RAB37: variants seen among roughly 807,000 people sequenced by gnomAD.
The protein encoded by RAB37 is RAB37, member RAS oncogene family, also known as ras-related protein Rab-37.
A neutral mutation model predicts 33.1 loss-of-function variants in RAB37; 29 were observed. That is an observed-to-expected ratio of 0.88 (90% CI 0.65 to 1.20). The LOEUF is 1.20. Among genes scored for constraint, RAB37 ranks in the 50% most tolerant of loss-of-function variants. The probability of loss-of-function intolerance (pLI) is 0.00; values close to 1 mark genes in which losing one functional copy is unlikely to be tolerated. For synonymous variants in RAB37, 128 were observed against 119.5 expected (o/e 1.07, Z -0.47); for missense variants, 299 against 301.1 (o/e 0.99, Z 0.05).
intron 1 of RAB37, among the ~76,000 whole-genome samples, chr17:74,685,553 G>A (rs927365206): frequency 3.9e-5 from 6 of 152,196 alleles, no homozygotes; most frequent in South Asian, 4.1e-4. Flanking sequence ...ACTCCATTTC[G>A]TAGAAGAGAA....
Position 74,744,901 on chromosome 17 carries a change from G to A in RAB37, c.461G>A (p.Arg154His), listed in dbSNP as rs149486886. The A allele has an allele frequency of 2.1e-4, 336 of 1,614,280 alleles. 2 individuals are homozygous for A. Among genetic ancestry groups the A allele is most frequent in the South Asian group, 1.4e-3 (130 of 91,092 alleles). The change falls in exon 7 of 9, where the codon CGT (arginine) becomes CAT (histidine). Residue 154 changes from arginine to histidine, a missense_variant. Coordinates refer to ENST00000392613, the MANE Select transcript of RAB37 (RefSeq NM_001006638.3). This position sits in a 1 kb window ranked among gnomAD's most constrained non-coding sequence, Gnocchi z 4.2. ...KADMSSERVI[R>H]SEDGETLARE... is the part of the protein sequence containing the mutation. Reference sequence around the variant, plus strand: ...GATATGAGCAGCGAAAGAGTGATCCGTTCCGAAGACGGAGAGACCTTGGCC... The same window carrying A: ...GATATGAGCAGCGAAAGAGTGATCCATTCCGAAGACGGAGAGACCTTGGCC...
intron 1 of RAB37, among the ~76,000 whole-genome samples, chr17:74,717,419 C>A (rs996444901): frequency 3.9e-5 from 6 of 152,132 alleles, no homozygotes; most frequent in African/African-American, 1.4e-4. Flanking sequence ...GAAACTTAAC[C>A]TTCAATGTGA....
At chr17:74,707,972 A>AC (rs1192491860) in intron 1 of RAB37, among the ~76,000 whole-genome samples, 1 of 151,700 alleles carries the variant, frequency 6.6e-6, no homozygotes, top group Non-Finnish European at 1.5e-5. Flanking sequence ...ACATGGTGAA[A>AC]CCCCATCTCT....
chr17:74,703,105 A>T (rs778098380), intron 1 of RAB37: 2 of 1,613,788 alleles, frequency 1.2e-6, no homozygotes, highest in Non-Finnish European at 1.7e-6. Context: ...GGTGCTGTAA[A>T]CGTAGTGGAG....
chr17:74,740,052 A>T (rs1357205529), intron 1 of RAB37, among the ~76,000 whole-genome samples: 1 of 151,878 alleles, frequency 6.6e-6, no homozygotes, highest in African/African-American at 2.4e-5. Flanking sequence ...GCTACTCAGG[A>T]GGCTGAGGCA....
Position 74,742,580 on chromosome 17 carries a change from C to T in RAB37, c.246+285C>T, listed in dbSNP as rs1018746904. Among the ~76,000 whole-genome samples, 7 of 152,258 alleles carry T rather than the reference C, an allele frequency of 4.6e-5. No individual in the cohort carries two copies. The highest frequency in any genetic ancestry group is 1.0e-4 in the Non-Finnish European group (7 of 68,004). On this transcript the variant is annotated intron_variant, in intron 3 of 8. Transcript: ENST00000392613. This position sits in a 1 kb window ranked among gnomAD's most constrained non-coding sequence, Gnocchi z 4.0. Reference sequence around the variant, plus strand: ...TCTGCTCTTAGGAGATTGGACATCCCCAACCCCTGAGCTAGGGGAGAGGAG... The same window carrying T: ...TCTGCTCTTAGGAGATTGGACATCCTCAACCCCTGAGCTAGGGGAGAGGAG...
At chr17:74,697,097 A>G (rs770924624) in intron 1 of RAB37, among the ~76,000 whole-genome samples, 7 of 152,126 alleles carry the variant, frequency 4.6e-5, no homozygotes, top group Non-Finnish European at 7.4e-5. Context: ...GTGTGCCACC[A>G]TATCCAGCTA....
intron 1 of RAB37, chr17:74,704,550 C>T (rs139553185): frequency 6.8e-6 from 11 of 1,614,088 alleles, no homozygotes; most frequent in African/African-American, 5.3e-5. Context: ...CAGTAAGTGT[C>T]AGCATCAGTT....
At chr17:74,714,396 A>AAC (rs3046673) in intron 1 of RAB37, among the ~76,000 whole-genome samples, 39,612 of 137,788 alleles carry the variant, frequency 0.29, 5,530 homozygotes, top group Non-Finnish European at 0.33. Flanking sequence ...TGTCTCTTTA[A>AAC]ACACACACAC....
upstream of RAB37, chr17:74,736,975 A>T (rs1305799387): frequency 6.4e-7 from 1 of 1,566,314 alleles, no homozygotes. Context: ...CCCAGGGGCA[A>T]GCAAGCGACC....
At chr17:74,693,141 C>T (rs950722612) in intron 1 of RAB37, among the ~76,000 whole-genome samples, 47 of 152,240 alleles carry the variant, frequency 3.1e-4, no homozygotes, top group African/African-American at 1.1e-3. Context: ...CAAGGAAGGC[C>T]TCTTCTAAGA....
rs2034667274 is a variant in RAB37, at chr17:74,743,300, T to C, written c.326T>C (p.Leu109Pro). The change falls in exon 5 of 9, where the codon CTG (leucine) becomes CCG (proline). Residue 109 changes from leucine (L) to proline (P), a missense_variant. Physicochemically the swap from Leu to Pro is moderately conservative, Grantham distance 98 (BLOSUM62 -3). Coordinates refer to ENST00000392613, the MANE Select transcript of RAB37 (RefSeq NM_001006638.3). ...CTCTCCCCTCCAGCCTTGCTTCTGC[T>C]GTATGACATCACCAACAAATCTTCT... is the stretch of plus-strand genomic sequence containing the variant. The part of the protein sequence containing the change: ...YYRDAQALLL[L>P]YDITNKSSFD... 1.2e-6 allele frequency: 2 copies of C among 1,614,138 alleles called. No individual in the cohort carries two copies. The highest frequency in any genetic ancestry group is 4.5e-5 in the East Asian group (2 of 44,882).
chr17:74,680,552 T>C (rs2031932764), intron 1 of RAB37, among the ~76,000 whole-genome samples: 1 of 152,200 alleles, frequency 6.6e-6, no homozygotes, highest in Admixed American at 6.5e-5. Context: ...AGTTGGTAGC[T>C]GGCTACACTA....
chr17:74,712,381 C>T (rs532391253), intron 1 of RAB37, among the ~76,000 whole-genome samples: 5 of 152,306 alleles, frequency 3.3e-5, no homozygotes, highest in East Asian at 3.9e-4. Context: ...AGAACCACCA[C>T]TCCCTCTCTG....
chr17:74,712,950 T>C, intron 1 of RAB37: 1 of 1,383,310 alleles, frequency 7.2e-7, no homozygotes, highest in Non-Finnish European at 1.0e-6. Context: ...CTGCTGGTAC[T>C]CACTCTCGCC....
At chr17:74,718,657 A>T (rs535018337) in intron 1 of RAB37, among the ~76,000 whole-genome samples, 1 of 152,260 alleles carries the variant, frequency 6.6e-6, no homozygotes, top group East Asian at 1.9e-4. Context: ...AGTGCAATGC[A>T]CCTCCTCAAC....
intron 1 of RAB37, among the ~76,000 whole-genome samples, chr17:74,706,542 C>T (rs2033534031): frequency 6.6e-6 from 1 of 152,038 alleles, no homozygotes; most frequent in African/African-American, 2.4e-5. Flanking sequence ...ATGGCACATG[C>T]CTGTAATCCC....
At chr17:74,718,389 T>C (rs1598302668) in intron 1 of RAB37, among the ~76,000 whole-genome samples, 2 of 151,982 alleles carry the variant, frequency 1.3e-5, no homozygotes, top group Non-Finnish European at 1.5e-5. Flanking sequence ...TATTTTGTTA[T>C]AGCAGCCGGG....
chr17:74,684,876 GATA>G (rs2032023772), intron 1 of RAB37, among the ~76,000 whole-genome samples: 1 of 151,958 alleles, frequency 6.6e-6, no homozygotes, highest in Non-Finnish European at 1.5e-5. Flanking sequence ...TAGATAGATA[GATA>G]GATAGATAGA....
Sources: allele counts gnomAD v4.1 joint callset (sites outside exome capture counted in the v4.1 genomes callset), GRCh38; gene constraint gnomAD v4.1.1; non-coding constraint Gnocchi (gnomAD v3.1); transcripts MANE v1.5; gene names NCBI Gene and HGNC (gene_info 2026-07-23, HGNC 2026-07-21).